SGO2: variants seen among roughly 807,000 people sequenced by gnomAD.
SGO2 encodes the protein shugoshin-like 2.
Under a neutral mutation model 99.5 loss-of-function variants are expected in SGO2, and 68 were observed. The observed-to-expected ratio is 0.68, with a 90% confidence interval of 0.56 to 0.84. The LOEUF (loss-of-function observed/expected upper bound fraction) is 0.84. SGO2 is among the 40% of genes least tolerant of loss of function. The pLI, the probability that SGO2 is intolerant of heterozygous loss-of-function variation, is 0.00. For missense variants in SGO2, 1,350 were observed against 1,436.7 expected, an observed-to-expected ratio of 0.94 and a Z score of 0.97; for synonymous variants, 457 against 487.1, an observed-to-expected ratio of 0.94 and a Z score of 0.81.
At chr2:200,556,857 C>CAG (rs1279271626) in intron 5 of SGO2, among the ~76,000 whole-genome samples, 1 of 151,906 alleles carries the variant, frequency 6.6e-6, no homozygotes, top group Non-Finnish European at 1.5e-5. Flanking sequence ...GACAGAGAGA[C>CAG]AGAGAGAGGG....
intron 8 of SGO2, 147 bp downstream of exon 8, chr2:200,575,608 T>G (rs2033628749): frequency 1.2e-5 from 7 of 567,700 alleles, no homozygotes; most frequent in Non-Finnish European, 2.1e-5. Flanking sequence ...TGGGTAAGAG[T>G]TGAAGAAATA....
At chr2:200,545,513 T>A (rs1559203596) in intron 5 of SGO2, among the ~76,000 whole-genome samples, 3 of 152,092 alleles carry the variant, frequency 2.0e-5, no homozygotes, top group African/African-American at 7.2e-5. Flanking sequence ...CAGTGTAAGA[T>A]AAGCTGGCTT....
At chr2:200,537,587 C>T (rs550173136) in intron 4 of SGO2, among the ~76,000 whole-genome samples, 1 of 152,240 alleles carries the variant, frequency 6.6e-6, no homozygotes, top group African/African-American at 2.4e-5. Flanking sequence ...TATTCCTTTT[C>T]AGTCTGTTTG....
rs767918650 is a variant in SGO2 at position 200,570,056 on chromosome 2, A to G, written c.703+164A>G. 1 of 571,420 alleles carries G rather than the reference A, an allele frequency of 1.8e-6. No homozygotes were observed. Among genetic ancestry groups the G allele is most frequent in the Non-Finnish European group, 3.1e-6 (1 of 324,346 alleles). The allele number at this position is 571,420 out of a possible 1,614,324, so 35.4% of individuals were successfully genotyped here. On this transcript the variant is annotated intron_variant, in intron 6 of 8. Coordinates refer to ENST00000357799, the MANE Select transcript of SGO2 (RefSeq NM_152524.6). This position sits in a 1 kb window ranked among gnomAD's most constrained non-coding sequence, Gnocchi z 4.4. ...ACTGCTGGTGATAGATTTAATTTTAAAGTAAATATGCTGACAAACATCACA... is the reference window on the plus strand; with the variant it reads ...ACTGCTGGTGATAGATTTAATTTTAGAGTAAATATGCTGACAAACATCACA...
At chr2:200,560,095 GTC>G (rs940191516) in intron 5 of SGO2, among the ~76,000 whole-genome samples, 18 of 152,164 alleles carry the variant, frequency 1.2e-4, no homozygotes, top group Admixed American at 2.6e-4. Flanking sequence ...TGCTTCTGTT[GTC>G]TGTTTATTCT....
rs1301397577 is a variant in SGO2 at position 200,571,953 on chromosome 2, A to G, written c.1607A>G (p.Gln536Arg). ...LTCNKSKASRQTFVIHKLEKD... is the reference protein window; with the variant it reads ...LTCNKSKASRRTFVIHKLEKD... Reference sequence around the variant, plus strand: ...TGTAATAAAAGTAAAGCTTCTAGACAGACATTTGTGATTCACAAATTAGAA... The same window carrying G: ...TGTAATAAAAGTAAAGCTTCTAGACGGACATTTGTGATTCACAAATTAGAA... Residue 536 changes from glutamine to arginine, a missense_variant, in exon 7 of 9, where the codon CAG becomes CGG. By Grantham distance (43) the Gln-to-Arg change is conservative (BLOSUM62 1). Coordinates refer to ENST00000357799, the MANE Select transcript of SGO2 (RefSeq NM_152524.6). 5.0e-6 allele frequency: 8 copies of G among 1,610,216 alleles called. No individual in the cohort carries two copies. Among genetic ancestry groups the G allele is most frequent in the Non-Finnish European group, 6.8e-6 (8 of 1,178,894 alleles).
At chr2:200,561,030 C>G (rs913186987) in intron 5 of SGO2, among the ~76,000 whole-genome samples, 9 of 151,986 alleles carry the variant, frequency 5.9e-5, no homozygotes, top group African/African-American at 2.2e-4. Context: ...GTTACTTATA[C>G]TATGCTTTTC....
intron 5 of SGO2, 92 bp from the exon 6 acceptor site, chr2:200,569,571 G>T (rs1367549051): frequency 3.2e-6 from 3 of 936,774 alleles, no homozygotes; most frequent in East Asian, 5.3e-5. Flanking sequence ...TTTGTGGTTC[G>T]ATCTTAAATA....
chr2:200,530,001 C>G (rs1201906657), intron 1 of SGO2, among the ~76,000 whole-genome samples: 2 of 152,214 alleles, frequency 1.3e-5, no homozygotes, highest in Non-Finnish European at 1.5e-5. Flanking sequence ...CTGGCATATG[C>G]TCCAAACAGC....
chr2:200,572,755 A>T lies in SGO2; in HGVS notation c.2409A>T (p.Lys803Asn), dbSNP rs765664283. Residue 803 changes from lysine to asparagine, a missense_variant, in exon 7 of 9, where the codon AAA (lysine) becomes AAT (asparagine). Coordinates refer to ENST00000357799, the MANE Select transcript of SGO2 (RefSeq NM_152524.6). ...DMQPACQNDS[K>N]IGKKPRLNVC... ...AACCTGCTTGTCAAAATGATTCAAA[A>T]ATAGGTAAGAAGCCTAGACTAAATG... The T allele has an allele frequency of 1.4e-5, 22 of 1,613,098 alleles. No homozygotes were observed. The East Asian group carries it at 4.5e-4, about 33-fold the overall frequency.
At chr2:200,559,817 T>C (rs1026969030) in intron 5 of SGO2, among the ~76,000 whole-genome samples, 2 of 152,200 alleles carry the variant, frequency 1.3e-5, no homozygotes, top group Non-Finnish European at 2.9e-5. Context: ...TACAAGTATA[T>C]TGTTTAATTT....
At chr2:200,533,382 A>C (rs544883823) in intron 2 of SGO2, 4 of 255,494 alleles carry the variant, frequency 1.6e-5, no homozygotes, top group Non-Finnish European at 3.0e-5. Context: ...AAAAACTACC[A>C]ACATGACTTT....
chr2:200,566,162 T>G (rs1297704900), intron 5 of SGO2, among the ~76,000 whole-genome samples: 1 of 152,204 alleles, frequency 6.6e-6, no homozygotes, highest in Non-Finnish European at 1.5e-5. Context: ...TTTTTAGAAT[T>G]TTCAGCTTTC....
chr2:200,547,953 A>G (rs751807160), intron 5 of SGO2, among the ~76,000 whole-genome samples: 1 of 151,748 alleles, frequency 6.6e-6, no homozygotes. Context: ...GGATATAACA[A>G]TTATAAATAT....
intron 5 of SGO2, among the ~76,000 whole-genome samples, chr2:200,565,162 G>A (rs111676584): frequency 5.9e-5 from 9 of 152,276 alleles, no homozygotes; most frequent in African/African-American, 2.2e-4. Flanking sequence ...AGCATCAGTG[G>A]TCTTTACAAT....
At chr2:200,553,504 A>G (rs888338974) in intron 5 of SGO2, among the ~76,000 whole-genome samples, 3 of 152,174 alleles carry the variant, frequency 2.0e-5, no homozygotes, top group Admixed American at 2.0e-4. Context: ...AAACTCAAAA[A>G]CAACTGATGA....
chr2:200,563,366 A>G (rs1443769998), intron 5 of SGO2, among the ~76,000 whole-genome samples: 2 of 152,038 alleles, frequency 1.3e-5, no homozygotes, highest in Non-Finnish European at 2.9e-5. Flanking sequence ...ACGTTTATTG[A>G]TTTGCATATG....
At position 200,535,055 on chromosome 2, in the gene SGO2, C is replaced by A; in HGVS notation, c.193C>A (p.Leu65Ile). The A allele has an allele frequency of 1.3e-6, 2 of 1,562,742 alleles. 1 individual carries two copies. The change falls in exon 3 of 9, where the codon CTT (leucine) becomes ATT (isoleucine). Residue 65 changes from leucine to isoleucine, a missense_variant. Coordinates refer to ENST00000357799, the MANE Select transcript of SGO2 (RefSeq NM_152524.6). ...CAACAACAGGGCATTAGCTCAGGCT[C>A]TTAGTAGAGAAAAAGAGAATTCTCG... is the stretch of plus-strand genomic sequence containing the variant. The part of the protein sequence containing the change: ...KHNNRALAQA[L>I]SREKENSRRI...
At chr2:200,533,282 GTTT>G (rs2031509903) in intron 2 of SGO2, 174 bp downstream of exon 2, 2 of 620,654 alleles carry the variant, frequency 3.2e-6, no homozygotes, top group South Asian at 4.7e-5. Flanking sequence ...TAGTTGGGTG[GTTT>G]TGATGATTTA....
Sources: allele counts gnomAD v4.1 joint callset (sites outside exome capture counted in the v4.1 genomes callset), GRCh38; gene constraint gnomAD v4.1.1; non-coding constraint Gnocchi (gnomAD v3.1); transcripts MANE v1.5; gene names NCBI Gene and HGNC (gene_info 2026-07-23, HGNC 2026-07-21).